The following C8orf34 variants were observed in gnomAD, a reference collection of about 807,000 sequenced individuals.
C8orf34 encodes the protein chromosome 8 open reading frame 34.
A neutral mutation model predicts 68.3 loss-of-function variants in C8orf34; 65 were observed. The ratio of observed to expected loss-of-function variants is 0.95; its 90% CI spans 0.78 to 1.17. The LOEUF is 1.17. Among genes scored for constraint, C8orf34 ranks in the 50% most tolerant of loss-of-function variants. The probability of loss-of-function intolerance (pLI) is 0.00; values close to 1 mark genes in which losing one functional copy is unlikely to be tolerated. For synonymous variants in C8orf34, 244 were observed against 241.2 expected (o/e 1.01, Z -0.11); for missense variants, 664 against 655.4 (o/e 1.01, Z -0.14).
intron 3 of C8orf34, among the ~76,000 whole-genome samples, chr8:68,465,700 G>A (rs1488661811): frequency 2.7e-5 from 4 of 149,724 alleles, no homozygotes; most frequent in African/African-American, 9.9e-5. Flanking sequence ...CTATCGCAAG[G>A]ACAAAAAACC....
At chr8:68,371,051 A>G (rs1354664538) in intron 1 of C8orf34, among the ~76,000 whole-genome samples, 1 of 152,140 alleles carries the variant, frequency 6.6e-6, no homozygotes, top group Non-Finnish European at 1.5e-5. Flanking sequence ...GAGGTTAATC[A>G]GGGCCCTTGA....
At chr8:68,443,258 G>A (rs939183874) in intron 2 of C8orf34, among the ~76,000 whole-genome samples, 6 of 151,980 alleles carry the variant, frequency 3.9e-5, no homozygotes, top group Admixed American at 1.3e-4. Flanking sequence ...TAGAGGGAAC[G>A]TATGGCAGGA....
intron 8 of C8orf34, among the ~76,000 whole-genome samples, chr8:68,680,939 C>T (rs574328010): frequency 2.0e-5 from 3 of 152,100 alleles, no homozygotes; most frequent in African/African-American, 4.8e-5. Context: ...GTATAGACCT[C>T]CCCCCAGGAA....
intron 8 of C8orf34, among the ~76,000 whole-genome samples, chr8:68,664,894 G>A (rs1372697618): frequency 6.6e-6 from 1 of 152,114 alleles, no homozygotes; most frequent in Non-Finnish European, 1.5e-5. Flanking sequence ...TCATATTTTA[G>A]ATGGTTTAGA....
At chr8:68,460,002 G>A (rs1023161512) in intron 3 of C8orf34, among the ~76,000 whole-genome samples, 2 of 152,202 alleles carry the variant, frequency 1.3e-5, no homozygotes, top group Non-Finnish European at 2.9e-5. Flanking sequence ...CCTCACTCGG[G>A]AAACACAAGG....
At chr8:68,594,857 A>AT (rs771231331) in intron 7 of C8orf34, among the ~76,000 whole-genome samples, 1 of 151,752 alleles carries the variant, frequency 6.6e-6, no homozygotes, top group Non-Finnish European at 1.5e-5. Flanking sequence ...TTATTGCTTC[A>AT]TTTTTTTCTG....
At chr8:68,581,393 G>A (rs1357121611) in intron 7 of C8orf34, among the ~76,000 whole-genome samples, 1 of 151,998 alleles carries the variant, frequency 6.6e-6, no homozygotes, top group Non-Finnish European at 1.5e-5. Context: ...CTGCTTCAGG[G>A]GAAGGTCAGA....
At chr8:68,352,440 C>T (rs1308044782) in intron 1 of C8orf34, among the ~76,000 whole-genome samples, 2 of 151,940 alleles carry the variant, frequency 1.3e-5, no homozygotes, top group African/African-American at 4.8e-5. Context: ...AAAATGTAGA[C>T]ATTTGCTAAA....
At chr8:68,660,286 A>G (rs569994147) in intron 8 of C8orf34, among the ~76,000 whole-genome samples, 17 of 152,312 alleles carry the variant, frequency 1.1e-4, no homozygotes, top group African/African-American at 3.4e-4. Context: ...TAGTTACTTT[A>G]TCTTCCCAGT....
At chr8:68,521,439 T>C (rs528911870) in intron 5 of C8orf34, among the ~76,000 whole-genome samples, 6 of 152,268 alleles carry the variant, frequency 3.9e-5, no homozygotes, top group African/African-American at 1.4e-4. Flanking sequence ...CCTGGGCAAT[T>C]ATTTACTATT....
At chr8:68,360,663 C>A (rs1360733155) in intron 1 of C8orf34, among the ~76,000 whole-genome samples, 2 of 152,036 alleles carry the variant, frequency 1.3e-5, no homozygotes, top group African/African-American at 2.4e-5. Flanking sequence ...TCAGCCAGAC[C>A]AGCTTGTCCA....
chr8:68,469,596 G>T (rs1812292814), intron 4 of C8orf34, among the ~76,000 whole-genome samples: 1 of 151,970 alleles, frequency 6.6e-6, no homozygotes, highest in Non-Finnish European at 1.5e-5. Context: ...TTAGTAGTGA[G>T]TTAAAAGTAT....
chr8:68,695,665 A>G (rs1362755700), intron 8 of C8orf34: 1 of 152,098 alleles, frequency 6.6e-6, no homozygotes, highest in Non-Finnish European at 1.5e-5. Flanking sequence ...CACACTTTTA[A>G]CATACCCAAT....
intron 7 of C8orf34, among the ~76,000 whole-genome samples, chr8:68,577,307 T>G (rs549871364): frequency 6.3e-4 from 96 of 152,098 alleles, no homozygotes; most frequent in Non-Finnish European, 1.1e-3. Flanking sequence ...TTCTTAAAAT[T>G]TAATTTAAGT....
chr8:68,773,939 CA>C (rs1288972778), intron 10 of C8orf34, among the ~76,000 whole-genome samples: 1 of 152,132 alleles, frequency 6.6e-6, no homozygotes, highest in Non-Finnish European at 1.5e-5. Context: ...CAGAAGACTG[CA>C]AATGTCCAGA....
At chr8:68,560,173 C>A (rs1489388386) in intron 7 of C8orf34, among the ~76,000 whole-genome samples, 4 of 150,104 alleles carry the variant, frequency 2.7e-5, no homozygotes, top group Non-Finnish European at 5.9e-5. Flanking sequence ...GAAACAGTGT[C>A]GGAGTGGCAG....
intron 3 of C8orf34, among the ~76,000 whole-genome samples, chr8:68,453,421 A>G (rs528025764): frequency 4.2e-4 from 64 of 152,122 alleles, no homozygotes; most frequent in Non-Finnish European, 8.3e-4. Flanking sequence ...TAATGTCTTC[A>G]TTTATTTAGA....
At chr8:68,677,407 G>T (rs1335337750) in intron 8 of C8orf34, among the ~76,000 whole-genome samples, 3 of 151,958 alleles carry the variant, frequency 2.0e-5, no homozygotes, top group Non-Finnish European at 4.4e-5. Context: ...CACTCAGGGT[G>T]GAGTGCAGTG....
chr8:68,751,709 C>T (rs902133997), intron 10 of C8orf34, among the ~76,000 whole-genome samples: 43 of 151,892 alleles, frequency 2.8e-4, no homozygotes, highest in African/African-American at 1.0e-3. Flanking sequence ...TTTGGCCATA[C>T]TAAGTGAAGT....
Sources: allele counts gnomAD v4.1 joint callset (sites outside exome capture counted in the v4.1 genomes callset), GRCh38; gene constraint gnomAD v4.1.1; transcripts MANE v1.5; gene names NCBI Gene and HGNC (gene_info 2026-07-23, HGNC 2026-07-21).